The following NCKAP1L variants were observed in gnomAD, a reference collection of about 807,000 sequenced individuals.
NCKAP1L encodes nck-associated protein 1-like.
NCKAP1L carries 53 observed loss-of-function variants against 139.2 expected under a neutral mutation model. The observed-to-expected ratio is 0.38, with a 90% confidence interval of 0.31 to 0.48. NCKAP1L has a LOEUF of 0.48. Ranked by LOEUF, NCKAP1L falls within the 20% of genes least tolerant of loss-of-function variation. The probability of loss-of-function intolerance (pLI) is 0.98; values close to 1 mark genes in which losing one functional copy is unlikely to be tolerated. For missense variants in NCKAP1L, 1,151 were observed against 1,381.9 expected (o/e 0.83, Z 2.65); for synonymous variants, 468 against 499.7 (o/e 0.94, Z 0.85).
chr12:54,531,698 A>T, intron 24 of NCKAP1L, 45 bp from the exon 25 acceptor site: 1 of 1,604,548 alleles, frequency 6.2e-7, no homozygotes, highest in Non-Finnish European at 8.5e-7. Flanking sequence ...ATCATCACCA[A>T]TCCCTCTCTA....
chr12:54,513,084 A>G (rs946442561), intron 9 of NCKAP1L, among the ~76,000 whole-genome samples: 1 of 152,188 alleles, frequency 6.6e-6, no homozygotes, highest in Non-Finnish European at 1.5e-5. Flanking sequence ...GATTTCAGAC[A>G]GGGGAGTGAC....
intron 13 of NCKAP1L, 98 bp downstream of exon 13, chr12:54,518,036 T>C: frequency 6.8e-7 from 1 of 1,479,926 alleles, no homozygotes; most frequent in Non-Finnish European, 9.3e-7. Flanking sequence ...CTCTGTAAGT[T>C]GGGTGTCAAA....
At chr12:54,521,018 A>C in intron 17 of NCKAP1L, 101 bp from the exon 18 acceptor site, 1 of 1,567,184 alleles carries the variant, frequency 6.4e-7, no homozygotes, top group Non-Finnish European at 8.7e-7. Flanking sequence ...AATGGGTAGG[A>C]ATCTTCTGTA....
At chr12:54,529,609 C>T (rs1407216756) in intron 22 of NCKAP1L, among the ~76,000 whole-genome samples, 5 of 152,132 alleles carry the variant, frequency 3.3e-5, no homozygotes, top group Non-Finnish European at 7.3e-5. Context: ...GTAAGCTGAC[C>T]CTACGCTTTA....
At chr12:54,526,801 T>G in intron 21 of NCKAP1L, 55 bp downstream of exon 21, 1 of 1,500,464 alleles carries the variant, frequency 6.7e-7, no homozygotes, top group Non-Finnish European at 9.2e-7. Context: ...ACTTTTTCCT[T>G]TACACGGTAG....
chr12:54,506,795 AAATATATATAT>A lies in NCKAP1L; in HGVS notation c.307-1056_307-1046del, dbSNP rs1280963775. 3.6e-5 allele frequency among the ~76,000 whole-genome samples: 3 copies of A among 82,416 alleles called. No homozygotes were observed. In the East Asian group the frequency reaches 1.0e-3, roughly 28 times the overall value. The allele number at this position is 82,416 out of a possible 152,430, so 54.1% of individuals were successfully genotyped here. ...CTTTTGGCAACATATTAAAAAAAAA[AAATATATATAT>A]ATATATATATATATATATTCCTTAA... On this transcript the variant is annotated intron_variant, in intron 3 of 30. Coordinates refer to ENST00000293373, the MANE Select transcript of NCKAP1L (RefSeq NM_005337.5).
At chr12:54,516,802 T>C (rs1268860474) in intron 10 of NCKAP1L, 94 bp from the exon 11 acceptor site, 5 of 1,096,070 alleles carry the variant, frequency 4.6e-6, no homozygotes, top group Admixed American at 3.7e-5. Context: ...TTCTGCCTGA[T>C]ATCCCTTCCT....
At chr12:54,520,921 G>A in intron 17 of NCKAP1L, 95 bp downstream of exon 17, 1 of 1,551,614 alleles carries the variant, frequency 6.4e-7, no homozygotes, top group Non-Finnish European at 8.9e-7. Context: ...TCCCAGAAAG[G>A]GTATAAACAT....
At chr12:54,521,267 C>G (rs1956981660) in intron 18 of NCKAP1L, 29 bp downstream of exon 18, 1 of 1,611,368 alleles carries the variant, frequency 6.2e-7, no homozygotes, top group Non-Finnish European at 8.5e-7. Context: ...GTTTCACTCT[C>G]CCCTCTGCCA....
In NCKAP1L at chr12:54,511,830, G is replaced by A. The variant is rs745757329; in HGVS notation, c.763G>A (p.Val255Ile). 81 of 1,614,106 alleles carry A rather than the reference G, an allele frequency of 5.0e-5. No homozygotes were observed. The highest frequency in any genetic ancestry group is 6.6e-5 in the Non-Finnish European group (78 of 1,180,040). ...GGCCTGTGAGTATCTGTCTGTGGAA[G>A]TAATGGAGCGCTGGATTATCAGTAA... The part of the protein sequence containing the change: ...TMACEYLSVE[V>I]MERWIIIGFL... Residue 255 changes from valine to isoleucine, a missense_variant, in exon 8 of 31, where the codon GTA becomes ATA. Coordinates refer to ENST00000293373, the MANE Select transcript of NCKAP1L (RefSeq NM_005337.5).
intron 3 of NCKAP1L, among the ~76,000 whole-genome samples, chr12:54,503,686 C>G (rs1956819791): frequency 6.7e-6 from 1 of 150,070 alleles, no homozygotes; most frequent in East Asian, 2.0e-4. Context: ...GTTGCCCAGG[C>G]TGGAATACAG....
At chr12:54,508,219 CCCTGACT>C (rs1956858279) in intron 4 of NCKAP1L, among the ~76,000 whole-genome samples, 163 bp from the exon 5 acceptor site, 1 of 152,156 alleles carries the variant, frequency 6.6e-6, no homozygotes, top group Admixed American at 6.5e-5. Flanking sequence ...CACTTTTAGC[CCCTGACT>C]TTTGTTCCAA....
rs765041896 is a variant in NCKAP1L at position 54,531,314 on chromosome 12, A to G, written c.2561A>G (p.Glu854Gly). ...LGPYGMKFLS[E>G]NLMWHVTSQI... ...CCCTATGGCATGAAGTTCCTGAGTG[A>G]AAACCTGATGTGGCATGTGACCTCT... The change falls in exon 23 of 31, where the codon GAA becomes GGA. Residue 854 changes from glutamate (E) to glycine (G), a missense_variant. Transcript: ENST00000293373. 2.5e-6 allele frequency: 4 copies of G among 1,614,080 alleles called. No homozygotes were observed. In the African/African-American group the frequency reaches 5.3e-5, roughly 22 times the overall value.
intron 28 of NCKAP1L, 70 bp from the exon 29 acceptor site, chr12:54,536,873 TG>T: frequency 9.8e-7 from 1 of 1,019,048 alleles, no homozygotes; most frequent in Non-Finnish European, 1.5e-6. Context: ...ATTACTAGTT[TG>T]GGTCATCCTG....
intron 3 of NCKAP1L, among the ~76,000 whole-genome samples, chr12:54,506,593 AT>A (rs995048127): frequency 7.0e-6 from 1 of 143,354 alleles, no homozygotes; most frequent in African/African-American, 2.6e-5. Flanking sequence ...CACCCAGCTA[AT>A]TTTTTTTATT....
chr12:54,521,716 C>T (rs1412717950), intron 18 of NCKAP1L, among the ~76,000 whole-genome samples: 2 of 152,120 alleles, frequency 1.3e-5, no homozygotes, highest in Non-Finnish European at 2.9e-5. Flanking sequence ...TATTTTTCCC[C>T]TCTCCTCCCT....
intron 3 of NCKAP1L, among the ~76,000 whole-genome samples, chr12:54,504,904 C>T (rs115423090): frequency 4.4e-4 from 67 of 152,256 alleles, no homozygotes; most frequent in African/African-American, 1.5e-3. Flanking sequence ...GAGAATAAGA[C>T]CTGCGTAGTG....
intron 21 of NCKAP1L, among the ~76,000 whole-genome samples, 182 bp downstream of exon 21, chr12:54,526,928 C>G (rs969559256): frequency 6.6e-6 from 1 of 152,222 alleles, no homozygotes; most frequent in African/African-American, 2.4e-5. Context: ...TTCTGTCCAC[C>G]ACGAAGTTTC....
In NCKAP1L at chr12:54,545,363, A is replaced by G. The variant is rs1364093292; in HGVS notation, c.*2678A>G. ...GTCACATGTTTAGCAGTAGAACTAG[A>G]ACTGGGACCCAAGTCTGATGTTCAG... On this transcript the variant is annotated 3_prime_UTR_variant, in exon 31 of 31. Coordinates refer to ENST00000293373, the MANE Select transcript of NCKAP1L (RefSeq NM_005337.5). 1 of 152,212 alleles carries G rather than the reference A, an allele frequency of 6.6e-6. No homozygotes were observed. Among genetic ancestry groups the G allele is most frequent in the Admixed American group, 6.5e-5 (1 of 15,284 alleles). The allele number at this position is 152,212 out of a possible 1,614,324, so 9.4% of individuals were successfully genotyped here.
Sources: gnomAD v4.1 joint callset for allele counts (sites outside exome capture counted in the v4.1 genomes callset) on GRCh38, gnomAD v4.1.1 for gene constraint, MANE v1.5 for transcripts, NCBI Gene and HGNC (gene_info 2026-07-23, HGNC 2026-07-21) for gene names.